Variants in MTFR1 observed in about 807,000 individuals in gnomAD.
The protein encoded by MTFR1 is mitochondrial fission regulator 1.
MTFR1 carries 28 observed loss-of-function variants against 38.8 expected under a neutral mutation model. That is an observed-to-expected ratio of 0.72 (90% CI 0.53 to 0.99). The LOEUF (loss-of-function observed/expected upper bound fraction) is 0.99, where lower values mean the gene tolerates loss of function less well. MTFR1 is among the 50% of genes least tolerant of loss of function. The pLI, the probability that MTFR1 is intolerant of heterozygous loss-of-function variation, is 0.00. For synonymous variants in MTFR1, 145 were observed against 137.0 expected (o/e 1.06, Z -0.41); for missense variants, 358 against 395.5 (o/e 0.91, Z 0.81).
At chr8:65,703,431 T>TG (rs1284379844) in intron 4 of MTFR1, among the ~76,000 whole-genome samples, 8 of 123,574 alleles carry the variant, frequency 6.5e-5, no homozygotes, top group Non-Finnish European at 1.3e-4. Flanking sequence ...TTTTTTTTTT[T>TG]TTTTTTTTTT....
At chr8:65,766,959 T>C (rs1808818649) in intron 3 of MTFR1, among the ~76,000 whole-genome samples, 1 of 152,028 alleles carries the variant, frequency 6.6e-6, no homozygotes, top group Non-Finnish European at 1.5e-5. Context: ...AATGCCAACA[T>C]TTTCAGTTTA....
chr8:65,769,500 C>T (rs1344427119), intron 3 of MTFR1, among the ~76,000 whole-genome samples: 1 of 152,136 alleles, frequency 6.6e-6, no homozygotes, highest in Non-Finnish European at 1.5e-5. Context: ...TCTTGTGTAA[C>T]CACGAATACA....
intron 7 of MTFR1, 48 bp from the exon 8 acceptor site, chr8:65,708,928 C>A: frequency 6.3e-7 from 1 of 1,582,538 alleles, no homozygotes; most frequent in Non-Finnish European, 8.7e-7. Context: ...CGTATCGTTA[C>A]TGTTACTTGA....
intron 1 of MTFR1, among the ~76,000 whole-genome samples, chr8:65,651,189 G>A (rs919045520): frequency 6.6e-5 from 10 of 152,116 alleles, no homozygotes; most frequent in Admixed American, 3.9e-4. Flanking sequence ...ATGTATTCTG[G>A]TTGTTAATCC....
intron 1 of MTFR1, among the ~76,000 whole-genome samples, chr8:65,648,791 A>T (rs950738117): frequency 6.6e-6 from 1 of 152,236 alleles, no homozygotes; most frequent in Non-Finnish European, 1.5e-5. Flanking sequence ...ATAAATATAT[A>T]TATAAAGCAG....
chr8:65,668,288 C>T (rs915194707), intron 1 of MTFR1, among the ~76,000 whole-genome samples: 2 of 150,834 alleles, frequency 1.3e-5, no homozygotes, highest in Non-Finnish European at 2.9e-5. Flanking sequence ...AGTGATTTTC[C>T]TGCCTCAGCC....
intron 3 of MTFR1, among the ~76,000 whole-genome samples, chr8:65,759,316 T>A (rs75770786): frequency 6.6e-6 from 1 of 152,182 alleles, no homozygotes; most frequent in Non-Finnish European, 1.5e-5. Context: ...CAGATGCCAC[T>A]GGGGGAAACC....
chr8:65,751,475 G>T (rs1275309923), intron 3 of MTFR1, among the ~76,000 whole-genome samples: 1 of 147,268 alleles, frequency 6.8e-6, no homozygotes, highest in East Asian at 2.0e-4. Flanking sequence ...CCTTCCTGAG[G>T]TTTTTTTTTT....
chr8:65,769,247 C>CAAAAA (rs61554087), intron 3 of MTFR1, among the ~76,000 whole-genome samples: 10 of 74,460 alleles, frequency 1.3e-4, no homozygotes, highest in Non-Finnish European at 1.8e-4. Flanking sequence ...GACTCAGTCT[C>CAAAAA]AAAAAAAAAA....
chr8:65,740,787 C>T (rs1807390647), intron 3 of MTFR1, among the ~76,000 whole-genome samples: 1 of 152,174 alleles, frequency 6.6e-6, no homozygotes, highest in Non-Finnish European at 1.5e-5. Context: ...CCCCACCCCA[C>T]CCCACCAATC....
rs1805868963 is a variant in MTFR1 at position 65,709,080 on chromosome 8, T to C, written c.*36T>C. ...GCTGCGAAAAGACTCCTGGTTCCCC[T>C]GTTGATTTGTGAGGGCCAAGTTTGC... On this transcript the variant is annotated 3_prime_UTR_variant, in exon 8 of 8. Coordinates refer to ENST00000262146, the MANE Select transcript of MTFR1 (RefSeq NM_014637.4). The C allele has an allele frequency of 6.2e-7, 1 of 1,601,446 alleles. No individual in the cohort carries two copies. Among genetic ancestry groups the C allele is most frequent in the African/African-American group, 1.3e-5 (1 of 74,646 alleles).
At chr8:65,689,136 C>T (rs1456856847) in intron 3 of MTFR1, among the ~76,000 whole-genome samples, 1 of 152,140 alleles carries the variant, frequency 6.6e-6, no homozygotes, top group Non-Finnish European at 1.5e-5. Flanking sequence ...CAGAACAAGA[C>T]TTGGTCTCAA....
intron 3 of MTFR1, among the ~76,000 whole-genome samples, chr8:65,744,980 T>C (rs1185528013): frequency 6.6e-6 from 1 of 152,202 alleles, no homozygotes; most frequent in Non-Finnish European, 1.5e-5. Flanking sequence ...GTAGTTCCCA[T>C]AATTCCCATG....
At chr8:65,771,613 C>T (rs911107208), downstream of MTFR1, among the ~76,000 whole-genome samples, 2 of 152,022 alleles carry the variant, frequency 1.3e-5, no homozygotes, top group African/African-American at 2.4e-5. Context: ...CGGTGGCTCA[C>T]GCATGTAATC....
At chr8:65,767,970 G>A (rs1245107722) in intron 3 of MTFR1, among the ~76,000 whole-genome samples, 3 of 152,268 alleles carry the variant, frequency 2.0e-5, no homozygotes, top group South Asian at 2.1e-4. Context: ...TGGGTTTTGG[G>A]GGCTGGGAGG....
Position 65,709,250 on chromosome 8 carries a change from A to G in MTFR1, c.*206A>G. 1 of 536,620 alleles carries G rather than the reference A, an allele frequency of 1.9e-6. No individual in the cohort carries two copies. Among genetic ancestry groups the G allele is most frequent in the South Asian group, 2.5e-5 (1 of 39,800 alleles). The allele number at this position is 536,620 out of a possible 1,614,324, so 33.2% of individuals were successfully genotyped here. On this transcript the variant is annotated 3_prime_UTR_variant, in exon 8 of 8. Transcript: ENST00000262146. The stretch of plus-strand genomic sequence containing the variant: ...GGTCAGCTTTGGTGCTCTCCACAAC[A>G]TGTGTGTTCTGACATGTTTCTAATA...
At chr8:65,687,971 G>A (rs1260512199) in intron 3 of MTFR1, among the ~76,000 whole-genome samples, 6 of 151,808 alleles carry the variant, frequency 4.0e-5, no homozygotes, top group Admixed American at 2.6e-4. Context: ...GTGATGGCAC[G>A]TGCCTGTAAT....
At chr8:65,663,008 C>A (rs747190237) in intron 1 of MTFR1, among the ~76,000 whole-genome samples, 4 of 152,098 alleles carry the variant, frequency 2.6e-5, no homozygotes, top group Non-Finnish European at 2.9e-5. Context: ...CTCTGCCCGG[C>A]CACCACCCTG....
Sources: gnomAD v4.1 joint callset for allele counts (sites outside exome capture counted in the v4.1 genomes callset) on GRCh38, gnomAD v4.1.1 for gene constraint, MANE v1.5 for transcripts, NCBI Gene and HGNC (gene_info 2026-07-23, HGNC 2026-07-21) for gene names.